The following RALGPS2 variants were observed in gnomAD, a reference collection of about 807,000 sequenced individuals.
The protein encoded by RALGPS2 is Ral GEF with PH domain and SH3 binding motif 2.
Under a neutral mutation model 86.8 loss-of-function variants are expected in RALGPS2, and 43 were observed. That is an observed-to-expected ratio of 0.50 (90% CI 0.39 to 0.64). The LOEUF (loss-of-function observed/expected upper bound fraction) is 0.64. RALGPS2 is among the 30% of genes least tolerant of loss of function. The pLI is 0.00. For synonymous variants in RALGPS2, 243 were observed against 231.3 expected (o/e 1.05, Z -0.46); for missense variants, 536 against 694.6 (o/e 0.77, Z 2.57).
chr1:178,875,608 C>T (rs960007489), intron 8 of RALGPS2, among the ~76,000 whole-genome samples: 5 of 151,942 alleles, frequency 3.3e-5, no homozygotes, highest in African/African-American at 7.2e-5. Flanking sequence ...ACTACCCAGG[C>T]GTGGTTGCGC....
intron 19 of RALGPS2, 88 bp from the exon 20 acceptor site, chr1:178,916,242 T>A (rs973790015): frequency 1.9e-4 from 204 of 1,054,528 alleles, no homozygotes; most frequent in Non-Finnish European, 2.5e-4. Context: ...GTAGAAAGAT[T>A]GGGCTTGCCT....
At chr1:178,813,486 T>A (rs1036183867) in intron 6 of RALGPS2, among the ~76,000 whole-genome samples, 2 of 152,166 alleles carry the variant, frequency 1.3e-5, no homozygotes, top group Non-Finnish European at 2.9e-5. Flanking sequence ...CCTTAAACCC[T>A]TCTATTCTGA....
At chr1:178,754,575 A>G (rs78991716) in intron 1 of RALGPS2, among the ~76,000 whole-genome samples, 4,588 of 152,276 alleles carry the variant, frequency 0.03, 226 homozygotes, top group African/African-American at 0.1. Flanking sequence ...TGTTCTATTC[A>G]TACCCTCAAC....
intron 7 of RALGPS2, among the ~76,000 whole-genome samples, chr1:178,829,394 G>A (rs928467785): frequency 2.0e-5 from 3 of 152,174 alleles, no homozygotes; most frequent in Non-Finnish European, 2.9e-5. Context: ...TGAGCATTAC[G>A]GCATGAGGTC....
intron 8 of RALGPS2, chr1:178,852,931 C>T: frequency 2.5e-6 from 4 of 1,611,822 alleles, no homozygotes; most frequent in Non-Finnish European, 8.5e-7. Context: ...CCAGTATTCT[C>T]CGTCAATGTT....
At chr1:178,735,686 A>G (rs1414602078) in intron 1 of RALGPS2, among the ~76,000 whole-genome samples, 3 of 149,826 alleles carry the variant, frequency 2.0e-5, no homozygotes, top group Non-Finnish European at 3.0e-5. Flanking sequence ...AAAATTCATC[A>G]CACAGAATAC....
At chr1:178,903,184 A>C (rs1441665012) in intron 18 of RALGPS2, among the ~76,000 whole-genome samples, 1 of 152,122 alleles carries the variant, frequency 6.6e-6, no homozygotes, top group Non-Finnish European at 1.5e-5. Context: ...CTATATTTTG[A>C]CCTCTGTTTA....
At chr1:178,834,086 T>C (rs1169411879) in intron 8 of RALGPS2, among the ~76,000 whole-genome samples, 1 of 152,162 alleles carries the variant, frequency 6.6e-6, no homozygotes, top group Non-Finnish European at 1.5e-5. Context: ...GCTTATAAAT[T>C]CAAGAAGTAT....
intron 8 of RALGPS2, among the ~76,000 whole-genome samples, chr1:178,870,542 CAAAT>C (rs1464149055): frequency 6.6e-6 from 1 of 152,144 alleles, no homozygotes; most frequent in Non-Finnish European, 1.5e-5. Flanking sequence ...AATTGAACCT[CAAAT>C]AATGCATTAA....
chr1:178,905,143 G>T (rs1660338086), intron 18 of RALGPS2, among the ~76,000 whole-genome samples: 1 of 151,970 alleles, frequency 6.6e-6, no homozygotes, highest in South Asian at 2.1e-4. Context: ...TTGAATTCTT[G>T]ATTTGATTCT....
rs114389313 is a variant in RALGPS2 at position 178,820,066 on chromosome 1, A to G, written c.388-1546A>G. On this transcript the variant is annotated intron_variant, in intron 6 of 19. Coordinates refer to ENST00000367635, the MANE Select transcript of RALGPS2 (RefSeq NM_152663.5). ...ATCACCTCCACCTCCTGCTTATGTA[A>G]TACCTTGAAATCAAACACACTTAAT... is the stretch of plus-strand genomic sequence containing the variant. 3.7e-3 allele frequency among the ~76,000 whole-genome samples: 558 copies of G among 152,284 alleles called. 5 individuals are homozygous for G. The highest frequency in any genetic ancestry group is 0.012 in the African/African-American group (505 of 41,548).
At chr1:178,785,529 A>C in intron 3 of RALGPS2, 28 bp from the exon 4 acceptor site, 1 of 1,566,684 alleles carries the variant, frequency 6.4e-7, no homozygotes, top group Non-Finnish European at 8.6e-7. Context: ...TCCAAAGAAG[A>C]AATTGTCATT....
intron 5 of RALGPS2, among the ~76,000 whole-genome samples, chr1:178,810,513 T>C (rs1654926152): frequency 6.6e-6 from 1 of 151,856 alleles, no homozygotes; most frequent in African/African-American, 2.4e-5. Context: ...TTGTTAAGAT[T>C]TCCATAGCAT....
chr1:178,785,869 C>G (rs1229647439), intron 4 of RALGPS2, among the ~76,000 whole-genome samples: 2 of 152,004 alleles, frequency 1.3e-5, no homozygotes, highest in East Asian at 3.8e-4. Context: ...AAAACTCTTT[C>G]TATAACTTTT....
chr1:178,769,161 G>A (rs575282312), intron 1 of RALGPS2, among the ~76,000 whole-genome samples: 1 of 152,300 alleles, frequency 6.6e-6, no homozygotes, highest in East Asian at 1.9e-4. Flanking sequence ...CCATAGAGCA[G>A]AGAGGCCCTG....
intron 8 of RALGPS2, among the ~76,000 whole-genome samples, chr1:178,856,194 GAGAGAGAGATATATAT>G (rs1461471019): frequency 5.0e-5 from 5 of 99,198 alleles, no homozygotes; most frequent in African/African-American, 1.6e-4. Flanking sequence ...CTTTTCCAGA[GAGAGAGAGATATATAT>G]ATATATATAT....
intron 4 of RALGPS2, among the ~76,000 whole-genome samples, chr1:178,801,980 T>C (rs1572346842): frequency 6.6e-6 from 1 of 151,954 alleles, no homozygotes; most frequent in Admixed American, 6.6e-5. Flanking sequence ...AGAAAACATT[T>C]CCCCCATGAA....
rs948381435 is a variant in RALGPS2 at position 178,808,184 on chromosome 1, T to G, written c.297+56T>G. 49 of 1,177,028 alleles carry G rather than the reference T, an allele frequency of 4.2e-5. No homozygotes were observed. In the African/African-American group the frequency reaches 7.4e-4, roughly 18 times the overall value. The allele number at this position is 1,177,028 out of a possible 1,614,324, so 72.9% of individuals were successfully genotyped here. On this transcript the variant is annotated intron_variant, in intron 5 of 19. Transcript: ENST00000367635. ...AAATTCAGTTCCTCAATATATACTT[T>G]TTCCTTAAGAAATAATTTAACTTTT...
At chr1:178,869,402 G>T (rs969954338) in intron 8 of RALGPS2, 1 of 152,106 alleles carries the variant, frequency 6.6e-6, no homozygotes, top group African/African-American at 2.4e-5. Context: ...GTTCTGGGAA[G>T]AGACTTGAGA....
Sources: gnomAD v4.1 joint callset for allele counts (sites outside exome capture counted in the v4.1 genomes callset) on GRCh38, gnomAD v4.1.1 for gene constraint, MANE v1.5 for transcripts, NCBI Gene and HGNC (gene_info 2026-07-23, HGNC 2026-07-21) for gene names.